Variants in ASIP observed in about 807,000 individuals in gnomAD.
The protein encoded by ASIP is agouti signaling protein, also known as agouti-signaling protein.
Under a neutral mutation model 10.3 loss-of-function variants are expected in ASIP, and 11 were observed. The ratio of observed to expected loss-of-function variants is 1.07; its 90% CI spans 0.68 to 1.78. The LOEUF is 1.78. Ranked by LOEUF, ASIP falls within the 40% of genes most tolerant of loss-of-function variation. The pLI is 0.00. For missense variants in ASIP, 180 were observed against 169.2 expected, an observed-to-expected ratio of 1.06 and a Z score of -0.35; for synonymous variants, 70 against 70.8, an observed-to-expected ratio of 0.99 and a Z score of 0.06.
upstream of ASIP, among the ~76,000 whole-genome samples, chr20:34,191,549 A>G (rs2034824373): frequency 6.6e-6 from 1 of 152,054 alleles, no homozygotes. Flanking sequence ...AGGCTCAGGA[A>G]ATTCTCCTCT....
chr20:34,267,364 C>T (rs2035802764), intron 3 of ASIP, among the ~76,000 whole-genome samples: 1 of 148,750 alleles, frequency 6.7e-6, no homozygotes, highest in Non-Finnish European at 1.5e-5. Flanking sequence ...CCTAGAGCAG[C>T]AGCGTCCAAT....
intron 1 of ASIP, among the ~76,000 whole-genome samples, chr20:34,203,063 C>T (rs915561257): frequency 6.6e-6 from 1 of 151,988 alleles, no homozygotes; most frequent in Non-Finnish European, 1.5e-5. Flanking sequence ...CTGCCTCGGC[C>T]TCCCAAAGTG....
chr20:34,206,782 T>C (rs2034939918), intron 1 of ASIP, among the ~76,000 whole-genome samples: 1 of 152,202 alleles, frequency 6.6e-6, no homozygotes. Context: ...TTTCACTACA[T>C]TGGCCAGGCT....
At chr20:34,205,943 GC>G (rs968595563) in intron 1 of ASIP, among the ~76,000 whole-genome samples, 10 of 152,124 alleles carry the variant, frequency 6.6e-5, no homozygotes, top group African/African-American at 2.4e-4. Context: ...CAGAAGCCCA[GC>G]CAGCTTCACC....
At chr20:34,199,514 G>A (rs111687525) in intron 1 of ASIP, among the ~76,000 whole-genome samples, 3 of 152,154 alleles carry the variant, frequency 2.0e-5, no homozygotes, top group South Asian at 2.1e-4. Flanking sequence ...CATTTTGATG[G>A]GTGTATAGTG....
chr20:34,235,847 A>AAGAG (rs1568756063), intron 1 of ASIP, among the ~76,000 whole-genome samples: 1 of 46,372 alleles, frequency 2.2e-5, no homozygotes, highest in Non-Finnish European at 3.3e-5. Flanking sequence ...GAAAGAAGGA[A>AAGAG]GGAAGGAAGG....
chr20:34,260,336 CACCT>C (rs775371073), intron 1 of ASIP, 25 bp from the exon 2 acceptor site: 26 of 1,597,334 alleles, frequency 1.6e-5, no homozygotes, highest in Non-Finnish European at 2.1e-5. Flanking sequence ...CTGACCCACC[CACCT>C]GACCACCTTC....
chr20:34,226,293 A>G (rs2035092613), intron 1 of ASIP, among the ~76,000 whole-genome samples: 1 of 152,232 alleles, frequency 6.6e-6, no homozygotes, highest in Non-Finnish European at 1.5e-5. Flanking sequence ...GAAAAGCTAT[A>G]TGACATTTTC....
At chr20:34,210,219 AC>A (rs750762711) in intron 1 of ASIP, among the ~76,000 whole-genome samples, 88 of 152,360 alleles carry the variant, frequency 5.8e-4, no homozygotes, top group Non-Finnish European at 9.3e-4. Flanking sequence ...TCCCTTGCTC[AC>A]CACGTTGAGG....
intron 1 of ASIP, among the ~76,000 whole-genome samples, chr20:34,208,009 C>G (rs2034948757): frequency 6.6e-6 from 1 of 152,048 alleles, no homozygotes; most frequent in Admixed American, 6.6e-5. Flanking sequence ...GCTCTCCTGA[C>G]CTCGTGATCC....
At chr20:34,212,845 AG>A (rs2034983404) in intron 1 of ASIP, among the ~76,000 whole-genome samples, 1 of 152,208 alleles carries the variant, frequency 6.6e-6, no homozygotes, top group African/African-American at 2.4e-5. Flanking sequence ...AAATACTTTA[AG>A]AATGTGCATA....
At chr20:34,219,328 T>A (rs888077802) in intron 1 of ASIP, among the ~76,000 whole-genome samples, 3 of 152,320 alleles carry the variant, frequency 2.0e-5, no homozygotes, top group Admixed American at 1.3e-4. Context: ...ACACCTTTTC[T>A]ATCTTTACAC....
intron 1 of ASIP, among the ~76,000 whole-genome samples, chr20:34,223,294 G>A (rs1473525120): frequency 6.6e-6 from 1 of 151,672 alleles, no homozygotes; most frequent in Non-Finnish European, 1.5e-5. Context: ...CGTCTGGGAT[G>A]TGAGGAGCGC....
At chr20:34,190,274 A>G (rs1403114862), upstream of ASIP, among the ~76,000 whole-genome samples, 1 of 152,210 alleles carries the variant, frequency 6.6e-6, no homozygotes, top group Non-Finnish European at 1.5e-5. Flanking sequence ...GGTATTTTAT[A>G]GAACCTCCCA....
intron 1 of ASIP, among the ~76,000 whole-genome samples, chr20:34,201,963 C>A (rs2034902795): frequency 1.3e-5 from 2 of 152,032 alleles, no homozygotes; most frequent in South Asian, 2.1e-4. Flanking sequence ...TTCACATAAT[C>A]TGAACTTTGT....
intron 1 of ASIP, among the ~76,000 whole-genome samples, chr20:34,198,514 T>C (rs2034873088): frequency 6.6e-6 from 1 of 152,064 alleles, no homozygotes; most frequent in Non-Finnish European, 1.5e-5. Flanking sequence ...AGAGACAGGA[T>C]CTCCCTCTGT....
intron 1 of ASIP, chr20:34,215,278 C>T (rs2035000051): frequency 1.3e-6 from 2 of 1,540,734 alleles, no homozygotes; most frequent in Non-Finnish European, 1.8e-6. Flanking sequence ...TACTTCAAGG[C>T]ACTGACACAT....
chr20:34,223,280 G>GAGA (rs2035064006), intron 1 of ASIP, among the ~76,000 whole-genome samples: 1 of 141,876 alleles, frequency 7.0e-6, no homozygotes, highest in Non-Finnish European at 1.5e-5. Context: ...CTGCCCTGCC[G>GAGA]CCCCGTCTGG....
chr20:34,234,520 C>CCTTT (rs2035152610), intron 1 of ASIP, among the ~76,000 whole-genome samples: 1 of 151,954 alleles, frequency 6.6e-6, no homozygotes, highest in Non-Finnish European at 1.5e-5. Context: ...TTCCTTCCTT[C>CCTTT]CTTCCTTTCT....
Sources: gnomAD v4.1 joint callset for allele counts (sites outside exome capture counted in the v4.1 genomes callset) on GRCh38, gnomAD v4.1.1 for gene constraint, MANE v1.5 for transcripts, NCBI Gene and HGNC (gene_info 2026-07-23, HGNC 2026-07-21) for gene names.